STXBP5L: variants seen among roughly 807,000 people sequenced by gnomAD.
STXBP5L encodes the protein syntaxin-binding protein 5-like.
Under a neutral mutation model 144.5 loss-of-function variants are expected in STXBP5L, and 65 were observed. The observed-to-expected ratio is 0.45, with a 90% CI of 0.37 to 0.55. STXBP5L has a LOEUF of 0.55. Among genes scored for constraint, STXBP5L ranks in the 20% least tolerant of loss-of-function variants. The pLI, the probability that STXBP5L is intolerant of heterozygous loss-of-function variation, is 0.00. For missense variants in STXBP5L, 1,298 were observed against 1,405.5 expected (o/e 0.92, Z 1.22); for synonymous variants, 505 against 469.6 (o/e 1.08, Z -0.97).
intron 3 of STXBP5L, among the ~76,000 whole-genome samples, chr3:120,974,845 A>G (rs1011061914): frequency 1.3e-5 from 2 of 152,090 alleles, no homozygotes; most frequent in East Asian, 1.9e-4. Context: ...CAAAGATCAG[A>G]TAGTTGTAGA....
chr3:120,952,813 C>T (rs541453601), intron 2 of STXBP5L, among the ~76,000 whole-genome samples: 39 of 151,802 alleles, frequency 2.6e-4, no homozygotes, highest in Non-Finnish European at 4.4e-4. Context: ...AAATTTTTTC[C>T]GTATAGTTTC....
Position 120,909,778 on chromosome 3 carries a change from AATTGGCTTAAAGCCT to A in STXBP5L, c.189+15_189+29del, listed in dbSNP as rs751603259. On this transcript the variant is annotated intron_variant, in intron 2 of 26. Coordinates refer to ENST00000471454, the MANE Select transcript of STXBP5L (RefSeq NM_001308330.2). ...TTCCAGATTTGCAAGGTAAGTTTTG[AATTGGCTTAAAGCCT>A]ATTATTTCTTTATTATACTGTTGTA... is the stretch of plus-strand genomic sequence containing the variant. 47 of 1,608,400 alleles carry A rather than the reference AATTGGCTTAAAGCCT, an allele frequency of 2.9e-5. No individual in the cohort carries two copies. Among genetic ancestry groups the A allele is most frequent in the Admixed American group, 1.9e-4 (11 of 58,422 alleles).
intron 14 of STXBP5L, among the ~76,000 whole-genome samples, chr3:121,250,377 A>G (rs1364060840): frequency 6.6e-6 from 1 of 152,020 alleles, no homozygotes; most frequent in Non-Finnish European, 1.5e-5. Context: ...ATTTATATTA[A>G]TATCAAAATT....
At chr3:121,257,775 A>G (rs1467390103) in intron 17 of STXBP5L, among the ~76,000 whole-genome samples, 1 of 152,116 alleles carries the variant, frequency 6.6e-6, no homozygotes, top group African/African-American at 2.4e-5. Context: ...AAATTTAAAA[A>G]TTAACTGGGT....
At chr3:120,972,081 T>A (rs1940337997) in intron 3 of STXBP5L, among the ~76,000 whole-genome samples, 1 of 152,218 alleles carries the variant, frequency 6.6e-6, no homozygotes, top group Non-Finnish European at 1.5e-5. Flanking sequence ...ATATGAATTT[T>A]ACAATTATTC....
chr3:121,157,384 GT>G, intron 8 of STXBP5L, 119 bp from the exon 9 acceptor site: 1 of 1,088,168 alleles, frequency 9.2e-7, no homozygotes, highest in African/African-American at 1.7e-5. Context: ...GAAAAATTAT[GT>G]TTTTTAAGTG....
intron 20 of STXBP5L, among the ~76,000 whole-genome samples, chr3:121,365,137 T>C (rs2045827265): frequency 6.6e-6 from 1 of 151,972 alleles, no homozygotes; most frequent in Non-Finnish European, 1.5e-5. Context: ...ATAATTCCAT[T>C]AATATGCTAC....
In STXBP5L at chr3:121,090,300, TTAGA is replaced by T. The variant is rs150765222; in HGVS notation, c.471-24621_471-24618del. ...TGCTCCATTTAAACTCACTGACATC[TTAGA>T]TAGGGAGAGACACCTTGTAGCTGCT... On this transcript the variant is annotated intron_variant, in intron 5 of 26. Coordinates refer to ENST00000471454, the MANE Select transcript of STXBP5L (RefSeq NM_001308330.2). Among the ~76,000 whole-genome samples the T allele has an allele frequency of 3.7e-3, 570 of 152,236 alleles. 1 individual carries two copies. Among genetic ancestry groups the T allele is most frequent in the Non-Finnish European group, 6.5e-3 (439 of 67,994 alleles).
intron 14 of STXBP5L, among the ~76,000 whole-genome samples, chr3:121,247,346 G>GA (rs1177080602): frequency 6.6e-6 from 1 of 151,970 alleles, no homozygotes. Context: ...CTTTTCTTTT[G>GA]AAAAAATAAT....
intron 9 of STXBP5L, among the ~76,000 whole-genome samples, chr3:121,175,803 C>T (rs979321534): frequency 4.0e-5 from 6 of 151,466 alleles, no homozygotes; most frequent in African/African-American, 1.5e-4. Flanking sequence ...GACTCAACTA[C>T]ATGTTGTCTA....
intron 19 of STXBP5L, among the ~76,000 whole-genome samples, chr3:121,300,986 C>A (rs1559950941): frequency 6.6e-6 from 1 of 152,138 alleles, no homozygotes; most frequent in African/African-American, 2.4e-5. Context: ...AGCGTGATGC[C>A]TCCAGCTTTG....
intron 3 of STXBP5L, among the ~76,000 whole-genome samples, chr3:120,991,615 A>G (rs989327032): frequency 6.6e-6 from 1 of 152,230 alleles, no homozygotes; most frequent in Admixed American, 6.5e-5. Context: ...GATTAAGAAA[A>G]TGTGGCACAT....
intron 3 of STXBP5L, among the ~76,000 whole-genome samples, chr3:121,016,201 A>G (rs1186433172): frequency 6.6e-6 from 1 of 152,246 alleles, no homozygotes; most frequent in Non-Finnish European, 1.5e-5. Flanking sequence ...AAAAATTACA[A>G]GGCATTCCAA....
intron 19 of STXBP5L, among the ~76,000 whole-genome samples, chr3:121,292,365 G>A (rs2051472631): frequency 6.6e-6 from 1 of 152,112 alleles, no homozygotes; most frequent in Non-Finnish European, 1.5e-5. Flanking sequence ...TGCAAGAATG[G>A]CCGTAATTTA....
Position 121,381,375 on chromosome 3 carries a change from A to G in STXBP5L, c.2430A>G (p.Ala810=), listed in dbSNP as rs2046319255. The change falls in exon 22 of 27, where the codon GCA becomes GCG. Residue 810 remains alanine (A), a synonymous_variant. Transcript: ENST00000471454. ...IDKDSKEAIT[A]LYFMDSFARK... ...AAGATTCTAAAGAAGCAATTACAGC[A>G]CTATACTTCATGGACTCCTTTGCAC... 2 of 1,611,190 alleles carry G rather than the reference A, an allele frequency of 1.2e-6. No homozygotes were observed. The highest frequency in any genetic ancestry group is 1.7e-6 in the Non-Finnish European group (2 of 1,178,948).
intron 3 of STXBP5L, among the ~76,000 whole-genome samples, chr3:120,977,303 C>T (rs1369923943): frequency 6.6e-6 from 1 of 152,130 alleles, no homozygotes; most frequent in African/African-American, 2.4e-5. Flanking sequence ...TATGTAATGG[C>T]CTTCTTTGTC....
chr3:121,177,321 A>G (rs2046974517), intron 9 of STXBP5L, among the ~76,000 whole-genome samples: 1 of 152,120 alleles, frequency 6.6e-6, no homozygotes, highest in South Asian at 2.1e-4. Context: ...TGAAAAGACA[A>G]CTCACTGAGT....
chr3:121,285,912 C>T (rs763797628), intron 19 of STXBP5L, among the ~76,000 whole-genome samples: 2 of 151,796 alleles, frequency 1.3e-5, no homozygotes, highest in Admixed American at 6.6e-5. Flanking sequence ...ATGAACCAAC[C>T]CACACCACAG....
intron 6 of STXBP5L, among the ~76,000 whole-genome samples, chr3:121,118,332 G>T (rs541495213): frequency 4.0e-5 from 6 of 151,832 alleles, no homozygotes; most frequent in Admixed American, 3.9e-4. Flanking sequence ...TCCAAGGGGT[G>T]AGTTTCAGTT....
Sources: allele counts gnomAD v4.1 joint callset (sites outside exome capture counted in the v4.1 genomes callset), GRCh38; gene constraint gnomAD v4.1.1; transcripts MANE v1.5; gene names NCBI Gene and HGNC (gene_info 2026-07-23, HGNC 2026-07-21).